Variants in PLA2G2F observed in about 807,000 individuals in gnomAD.
PLA2G2F encodes the protein phospholipase A2 group IIF, also known as group IIF secretory phospholipase A2.
PLA2G2F carries 17 observed loss-of-function variants against 15.9 expected under a neutral mutation model. The ratio of observed to expected loss-of-function variants is 1.07; its 90% confidence interval spans 0.73 to 1.60. The LOEUF is 1.60. Ranked by LOEUF, PLA2G2F falls within the 40% of genes most tolerant of loss-of-function variation. PLA2G2F has a pLI of 0.00. For synonymous variants in PLA2G2F, 119 were observed against 106.5 expected (o/e 1.12, Z -0.72); for missense variants, 299 against 278.2 (o/e 1.07, Z -0.53).
At chr1:20,141,018 A>C (rs1569892828) in intron 2 of PLA2G2F, 1 of 152,350 alleles carries the variant, frequency 6.6e-6, no homozygotes, top group East Asian at 1.9e-4. Flanking sequence ...GGCTTGAGGA[A>C]AAGAAATAAA....
intron 1 of PLA2G2F, 41 bp downstream of exon 1, chr1:20,139,584 G>T (rs1362634105): frequency 1.4e-6 from 2 of 1,386,616 alleles, no homozygotes; most frequent in Middle Eastern, 1.8e-4. Context: ...TCCAGGGAGG[G>T]GCAGGGACAG....
rs1469962353 is a variant in PLA2G2F at position 20,139,547 on chromosome 1, G to C, written c.116+4G>C. 2 of 1,507,380 alleles carry C rather than the reference G, an allele frequency of 1.3e-6. No individual in the cohort carries two copies. The highest frequency in any genetic ancestry group is 1.8e-6 in the Non-Finnish European group (2 of 1,124,042). 93.4% of individuals were successfully genotyped at this position (1,507,380 alleles called of 1,614,324 possible). A position where few individuals can be genotyped will look rare whatever the true frequency, so the allele number is the denominator to read the frequency against. The stretch of plus-strand genomic sequence containing the variant: ...CCTGTCCTTCAAGAACCTCCAGGTA[G>C]GTGCCTGTTGCCCTGAGATGGAATC... On this transcript the variant is annotated splice_donor_region_variant and intron_variant, in intron 1 of 4. Coordinates refer to ENST00000375102, the MANE Select transcript of PLA2G2F (RefSeq NM_022819.4).
At position 20,148,320 on chromosome 1, in the gene PLA2G2F, G is replaced by A. The variant is rs201532438; in HGVS notation, c.555G>A (p.Thr185=). 4.0e-5 allele frequency: 64 copies of A among 1,613,966 alleles called. No individual in the cohort carries two copies. The East Asian group carries it at 1.2e-3, about 31-fold the overall frequency. ...GFLNVYCQGP[T]PNCSIYEPPP... ...TCAATGTCTACTGCCAGGGCCCCAC[G>A]CCCAACTGCAGCATCTATGAACCGC... Residue 185 remains threonine (T), a synonymous_variant, in exon 5 of 5, where the codon ACG becomes ACA. Transcript: ENST00000375102.
chr1:20,140,348 G>A (rs1007741260), intron 2 of PLA2G2F, 130 bp downstream of exon 2: 4 of 996,314 alleles, frequency 4.0e-6, no homozygotes, highest in Middle Eastern at 4.3e-4. Flanking sequence ...TCTGCTTCTT[G>A]TCTCAGCCCA....
At chr1:20,146,872 G>A (rs2017623793) in intron 4 of PLA2G2F, among the ~76,000 whole-genome samples, 1 of 152,100 alleles carries the variant, frequency 6.6e-6, no homozygotes, top group South Asian at 2.1e-4. Flanking sequence ...ACCCACCAGG[G>A]GTAACAGACG....
chr1:20,144,050 A>G (rs933832016), intron 3 of PLA2G2F: 1 of 181,270 alleles, frequency 5.5e-6, no homozygotes, highest in Non-Finnish European at 1.2e-5. Flanking sequence ...TGTATCACAG[A>G]AAGCTAAATA....
At position 20,147,222 on chromosome 1, in the gene PLA2G2F, A is replaced by G. The variant is rs188926668; in HGVS notation, c.425-968A>G. On this transcript the variant is annotated intron_variant, in intron 4 of 4. Transcript: ENST00000375102. ...CAATCATCAAGCCCCACCCAGACCT[A>G]CTGAATCTGATACTTAGGGGTGAGG... 5.3e-5 allele frequency among the ~76,000 whole-genome samples: 8 copies of G among 152,238 alleles called. No individual in the cohort carries two copies. The East Asian group carries it at 5.8e-4, about 11-fold the overall frequency.
At chr1:20,143,183 A>G in intron 2 of PLA2G2F, 1 of 436,804 alleles carries the variant, frequency 2.3e-6, no homozygotes, top group South Asian at 3.7e-5. Flanking sequence ...GGCATGGAGC[A>G]AGTCCCTAGC....
In PLA2G2F at chr1:20,149,012, A is replaced by G. The variant is rs760342580; in HGVS notation, c.*611A>G. The G allele has an allele frequency of 1.9e-5, 3 of 154,316 alleles. No homozygotes were observed. The highest frequency in any genetic ancestry group is 7.2e-5 in the African/African-American group (3 of 41,426). 9.6% of individuals were successfully genotyped at this position (154,316 alleles called of 1,614,324 possible). ...CAGGTTCAGACCCTAGGGGATGTGCAGTGCTGAGTGTCCCAGCCCTGAAGT... is the reference window on the plus strand; with the variant it reads ...CAGGTTCAGACCCTAGGGGATGTGCGGTGCTGAGTGTCCCAGCCCTGAAGT... On this transcript the variant is annotated 3_prime_UTR_variant, in exon 5 of 5. Coordinates refer to ENST00000375102, the MANE Select transcript of PLA2G2F (RefSeq NM_022819.4).
intron 4 of PLA2G2F, among the ~76,000 whole-genome samples, chr1:20,144,917 A>C (rs1415106288): frequency 6.6e-6 from 1 of 152,164 alleles, no homozygotes; most frequent in East Asian, 1.9e-4. Flanking sequence ...TCGCTAGTAA[A>C]AATACAAAAA....
intron 4 of PLA2G2F, among the ~76,000 whole-genome samples, chr1:20,147,175 C>A (rs2017630397): frequency 6.6e-6 from 1 of 152,110 alleles, no homozygotes; most frequent in South Asian, 2.1e-4. Context: ...AGCTGCAGCA[C>A]CCAGGAACTT....
intron 1 of PLA2G2F, 37 bp from the exon 2 acceptor site, chr1:20,140,129 G>A (rs2017429212): frequency 6.2e-7 from 1 of 1,608,548 alleles, no homozygotes; most frequent in Non-Finnish European, 8.5e-7. Flanking sequence ...AAGGGTGGAG[G>A]GGATGGACTC....
chr1:20,139,645 G>A (rs1420118362), intron 1 of PLA2G2F, 102 bp downstream of exon 1: 2 of 886,336 alleles, frequency 2.3e-6, no homozygotes, highest in South Asian at 3.7e-5. Context: ...TCCACGTGGT[G>A]GGCAGAACCC....
chr1:20,146,191 C>T (rs2017601033), intron 4 of PLA2G2F, among the ~76,000 whole-genome samples: 3 of 152,198 alleles, frequency 2.0e-5, no homozygotes, highest in Admixed American at 6.5e-5. Flanking sequence ...GCCTGGGAGT[C>T]AGGGGACCTG....
At position 20,150,178 on chromosome 1, in the gene PLA2G2F, G is replaced by A. The variant is rs925694960; in HGVS notation, c.*1777G>A. 1 of 152,340 alleles carries A rather than the reference G, an allele frequency of 6.6e-6. No individual in the cohort carries two copies. Among genetic ancestry groups the A allele is most frequent in the Non-Finnish European group, 1.5e-5 (1 of 68,180 alleles). The allele number at this position is 152,340 out of a possible 1,614,324, so 9.4% of individuals were successfully genotyped here. The stretch of plus-strand genomic sequence containing the variant: ...GGTTCTCCGGCTTGGGGGAACGCAG[G>A]TTCCCAGCTGCGCCCCTCCCCCGCG... On this transcript the variant is annotated 3_prime_UTR_variant, in exon 5 of 5. Coordinates refer to ENST00000375102, the MANE Select transcript of PLA2G2F (RefSeq NM_022819.4).
chr1:20,146,124 C>T (rs1477680868), intron 4 of PLA2G2F, among the ~76,000 whole-genome samples: 4 of 152,166 alleles, frequency 2.6e-5, no homozygotes, highest in South Asian at 2.1e-4. Flanking sequence ...GGCTTTCAGC[C>T]GGCTCCCCAG....
intron 4 of PLA2G2F, among the ~76,000 whole-genome samples, chr1:20,145,649 G>A (rs963382227): frequency 6.6e-6 from 1 of 151,812 alleles, no homozygotes; most frequent in African/African-American, 2.4e-5. Context: ...GCCTTGCTCT[G>A]TTGCCCAGGC....
chr1:20,140,573 A>G, intron 2 of PLA2G2F: 1 of 254,998 alleles, frequency 3.9e-6, no homozygotes, highest in South Asian at 7.1e-5. Context: ...ATGTGTGTGT[A>G]GGTGTGTCTG....
chr1:20,141,320 G>A (rs1345548302), intron 2 of PLA2G2F: 1 of 152,302 alleles, frequency 6.6e-6, no homozygotes, highest in Non-Finnish European at 1.5e-5. Context: ...GGTATGTGTG[G>A]GTGTATATCA....
Sources: gnomAD v4.1 joint callset for allele counts (sites outside exome capture counted in the v4.1 genomes callset) on GRCh38, gnomAD v4.1.1 for gene constraint, MANE v1.5 for transcripts, NCBI Gene and HGNC (gene_info 2026-07-23, HGNC 2026-07-21) for gene names.